Variants in PKIB observed in about 807,000 individuals in gnomAD.
PKIB encodes the protein PKI-beta.
A neutral mutation model predicts 4.5 loss-of-function variants in PKIB; 2 were observed. The observed-to-expected ratio is 0.44, with a 90% CI of 0.18 to 1.39. PKIB has a LOEUF of 1.39. Ranked by LOEUF, PKIB falls within the 40% of genes most tolerant of loss-of-function variation. The probability of loss-of-function intolerance (pLI) is 0.27; values close to 1 mark genes in which losing one functional copy is unlikely to be tolerated. For missense variants in PKIB, 94 were observed against 92.6 expected, an observed-to-expected ratio of 1.02 and a Z score of -0.06; for synonymous variants, 38 against 36.0, an observed-to-expected ratio of 1.06 and a Z score of -0.20.
Position 122,553,481 on chromosome 6 carries a change from CTTTTTTTTTT to C in PKIB, c.-247-32427_-247-32418del, listed in dbSNP as rs533553939. 6.7e-3 allele frequency among the ~76,000 whole-genome samples: 440 copies of C among 65,830 alleles called. 10 individuals carry two copies. Among genetic ancestry groups the C allele is most frequent in the African/African-American group, 0.025 (419 of 16,964 alleles). The allele number at this position is 65,830 out of a possible 152,430, so 43.2% of individuals were successfully genotyped here. ...TCTCTCAAGATTGCTCAAATATCTT[CTTTTTTTTTT>C]TTTTTTTTTTTTCTGAAAAAGGCTT... On this transcript the variant is annotated intron_variant, in intron 2 of 6. Transcript: ENST00000392491.
At chr6:122,542,406 G>A (rs369423798) in intron 2 of PKIB, among the ~76,000 whole-genome samples, 8 of 152,082 alleles carry the variant, frequency 5.3e-5, no homozygotes, top group Non-Finnish European at 7.3e-5. Flanking sequence ...CTAACAGACA[G>A]GACCCTCAGC....
At chr6:122,495,027 A>T (rs966452664) in intron 2 of PKIB, among the ~76,000 whole-genome samples, 1 of 152,198 alleles carries the variant, frequency 6.6e-6, no homozygotes, top group African/African-American at 2.4e-5. Flanking sequence ...CTGCTAGAGG[A>T]TGCAGCCACA....
rs542251567 is a variant in PKIB at position 122,662,215 on chromosome 6, A to AT, written c.-75-12855dup. ...TATTTTGATGAAGTTCAATTTATCA[A>AT]TTTTTTTTGTCACTTGTGCTTTGGT... On this transcript the variant is annotated intron_variant, in intron 2 of 4. Coordinates refer to ENST00000368452, the MANE Select transcript of PKIB (RefSeq NM_181795.3). Among the ~76,000 whole-genome samples, 37 of 143,266 alleles carry AT rather than the reference A, an allele frequency of 2.6e-4. 1 individual carries two copies. In the South Asian group the frequency reaches 6.8e-3, roughly 26 times the overall value. The allele number at this position is 143,266 out of a possible 152,430, so 94.0% of individuals were successfully genotyped here.
In PKIB at chr6:122,719,001, A is replaced by C. The variant is rs77129578; in HGVS notation, c.169+1038A>C. ...ATTATAAGAAGAATGAAAAGAAGGAAAAGATAAGGGAAGAAAGAAATAAAC... is the reference window on the plus strand; with the variant it reads ...ATTATAAGAAGAATGAAAAGAAGGACAAGATAAGGGAAGAAAGAAATAAAC... On this transcript the variant is annotated intron_variant, in intron 4 of 4. Transcript: ENST00000368452. Among the ~76,000 whole-genome samples the C allele has an allele frequency of 7.5e-4, 114 of 152,274 alleles. 2 individuals are homozygous for C. In the East Asian group the frequency reaches 0.021, roughly 28 times the overall value.
At chr6:122,519,892 T>C (rs1582672174) in intron 2 of PKIB, among the ~76,000 whole-genome samples, 1 of 152,230 alleles carries the variant, frequency 6.6e-6, no homozygotes, top group South Asian at 2.1e-4. Context: ...TTACACCCAC[T>C]GTGGTCCAGA....
intron 2 of PKIB, among the ~76,000 whole-genome samples, chr6:122,545,613 G>C (rs766089931): frequency 4.3e-4 from 65 of 150,836 alleles, no homozygotes; most frequent in Non-Finnish European, 5.5e-4. Context: ...CCACAAATAG[G>C]GCCTGGTGTC....
rs568197751 is a variant in PKIB at position 122,615,234 on chromosome 6, A to C, written c.-161+4699A>C. Reference sequence around the variant, plus strand: ...TTTAAATATGTCTTTCTAACATGCCATGAAGCTGTGCATATGTATATACTG... The same window carrying C: ...TTTAAATATGTCTTTCTAACATGCCCTGAAGCTGTGCATATGTATATACTG... On this transcript the variant is annotated intron_variant, in intron 1 of 4. Transcript: ENST00000368452. Among the ~76,000 whole-genome samples the C allele has an allele frequency of 2.0e-5, 3 of 152,326 alleles. No homozygotes were observed. In the South Asian group the frequency reaches 6.2e-4, roughly 32 times the overall value.
intron 2 of PKIB, 35 bp from the exon 3 acceptor site, chr6:122,675,038 CCTTTT>C (rs1268644644): frequency 6.8e-6 from 1 of 147,990 alleles, no homozygotes; most frequent in Non-Finnish European, 1.5e-5. Flanking sequence ...TGGATTGCCA[CCTTTT>C]CTGGTTCTTC....
At chr6:122,614,271 A>G (rs951833649) in intron 1 of PKIB, among the ~76,000 whole-genome samples, 2 of 152,240 alleles carry the variant, frequency 1.3e-5, no homozygotes, top group Non-Finnish European at 2.9e-5. Flanking sequence ...TGTTAGAAGT[A>G]GGATTTCTCA....
intron 2 of PKIB, among the ~76,000 whole-genome samples, chr6:122,670,605 A>T (rs1777426397): frequency 6.6e-6 from 1 of 152,134 alleles, no homozygotes; most frequent in African/African-American, 2.4e-5. Flanking sequence ...TGGTCCTAGT[A>T]TACCTGTTGC....
At chr6:122,614,404 G>T (rs948969606) in intron 1 of PKIB, among the ~76,000 whole-genome samples, 3 of 152,140 alleles carry the variant, frequency 2.0e-5, no homozygotes, top group African/African-American at 7.2e-5. Flanking sequence ...AATGGAGCTG[G>T]ATTCCTTCCT....
intron 3 of PKIB, among the ~76,000 whole-genome samples, chr6:122,694,167 A>G (rs1778466034): frequency 6.6e-6 from 1 of 152,154 alleles, no homozygotes; most frequent in Non-Finnish European, 1.5e-5. Flanking sequence ...TACTGGAGAA[A>G]GATGGAGGAG....
chr6:122,718,724 G>T (rs1562318994), intron 4 of PKIB, among the ~76,000 whole-genome samples: 2 of 152,110 alleles, frequency 1.3e-5, no homozygotes, highest in Admixed American at 6.6e-5. Flanking sequence ...ACCAGAAGCC[G>T]CTTGCATCTA....
At chr6:122,650,504 C>T (rs1776508955) in intron 2 of PKIB, among the ~76,000 whole-genome samples, 1 of 152,160 alleles carries the variant, frequency 6.6e-6, no homozygotes, top group Non-Finnish European at 1.5e-5. Context: ...ATCAACTAGC[C>T]AATTCCAAAG....
At chr6:122,533,309 A>G (rs1777314216) in intron 2 of PKIB, among the ~76,000 whole-genome samples, 2 of 152,124 alleles carry the variant, frequency 1.3e-5, no homozygotes, top group Admixed American at 1.3e-4. Flanking sequence ...AGCTGGGACT[A>G]TAGGCGTATA....
At chr6:122,707,114 G>T (rs536004242) in intron 3 of PKIB, among the ~76,000 whole-genome samples, 2 of 151,990 alleles carry the variant, frequency 1.3e-5, no homozygotes, top group South Asian at 4.2e-4. Context: ...TTAATTGCAG[G>T]TTAATATAAA....
chr6:122,629,744 C>G (rs912902392), intron 1 of PKIB, among the ~76,000 whole-genome samples: 6 of 152,120 alleles, frequency 3.9e-5, no homozygotes, highest in Non-Finnish European at 8.8e-5. Context: ...AATCTCATAG[C>G]CACAGTCTAA....
At chr6:122,618,462 T>G (rs1332222253) in intron 1 of PKIB, among the ~76,000 whole-genome samples, 1 of 152,116 alleles carries the variant, frequency 6.6e-6, no homozygotes, top group Non-Finnish European at 1.5e-5. Context: ...TTAACATTTT[T>G]TAATAATGTT....
At chr6:122,692,565 C>T (rs9490520) in intron 3 of PKIB, among the ~76,000 whole-genome samples, 35,157 of 151,954 alleles carry the variant, frequency 0.23, 4,404 homozygotes, top group Non-Finnish European at 0.26. Context: ...TCCAGGCTTG[C>T]GACTCACCCT....
Sources: gnomAD v4.1 joint callset for allele counts (sites outside exome capture counted in the v4.1 genomes callset) on GRCh38, gnomAD v4.1.1 for gene constraint, MANE v1.5 for transcripts, NCBI Gene and HGNC (gene_info 2026-07-23, HGNC 2026-07-21) for gene names.